The following DMD variants were observed in gnomAD, a reference collection of about 807,000 sequenced individuals.
DMD encodes dystrophin.
In DMD, 63 loss-of-function variants were observed where a neutral mutation model predicts 330.1. That is an observed-to-expected ratio of 0.19 (90% CI 0.16 to 0.24). The LOEUF is 0.24. Among genes scored for constraint, DMD ranks in the 10% least tolerant of loss-of-function variants. The pLI is 1.00. For missense variants in DMD, 3,344 were observed against 2,684.1 expected, an observed-to-expected ratio of 1.25 and a Z score of -5.43; for synonymous variants, 1,223 against 959.8, an observed-to-expected ratio of 1.27 and a Z score of -5.07.
intron 55 of DMD, among the ~76,000 whole-genome samples, chrX:31,584,824 C>G (rs1318275365): frequency 9.0e-6 from 1 of 110,705 alleles, no homozygotes; most frequent in South Asian, 3.9e-4. Context: ...AAGCTGACAG[C>G]AAAGGATCAG....
chrX:31,198,685 C>T (rs1378093812), intron 67 of DMD, among the ~76,000 whole-genome samples: 1 of 112,144 alleles, frequency 8.9e-6, no homozygotes, highest in African/African-American at 3.2e-5. Flanking sequence ...CAAAGTAATG[C>T]GAATTTTTCA....
chrX:31,670,081 T>G (rs5927798), intron 53 of DMD, among the ~76,000 whole-genome samples: 21,006 of 111,112 alleles, frequency 0.19, 1,557 homozygotes, highest in East Asian at 0.39. Context: ...AATATTTTCT[T>G]AATTTCACTT....
At chrX:31,600,517 T>G (rs1310878912) in intron 55 of DMD, among the ~76,000 whole-genome samples, 3 of 99,907 alleles carry the variant, frequency 3.0e-5, no homozygotes, top group South Asian at 9.9e-4. Context: ...ATGGTTTTTT[T>G]TTTTTTTTTT....
In DMD at chrX:32,110,255, A is replaced by C. The variant is rs775193879; in HGVS notation, c.6438+106661T>G. Among the ~76,000 whole-genome samples, 3 of 111,728 alleles carry C rather than the reference A, an allele frequency of 2.7e-5. No homozygotes were observed. In the South Asian group the frequency reaches 1.1e-3, roughly 41 times the overall value. On this transcript the variant is annotated intron_variant, in intron 44 of 78. Coordinates refer to ENST00000357033, the MANE Select transcript of DMD (RefSeq NM_004006.3). ...AATTCTGCAACACGTTGCAGAGTAAAATCTTCCTCGATTTATCCTATAGAA... is the reference window on the plus strand; with the variant it reads ...AATTCTGCAACACGTTGCAGAGTAACATCTTCCTCGATTTATCCTATAGAA...
intron 11 of DMD, among the ~76,000 whole-genome samples, chrX:32,633,356 G>A (rs754888660): frequency 2.8e-4 from 31 of 111,618 alleles, no homozygotes; most frequent in Non-Finnish European, 4.7e-4. Context: ...TACTCCAGTT[G>A]CCAATAAGTT....
At chrX:33,109,263 A>G (rs1296612154) in intron 1 of DMD, among the ~76,000 whole-genome samples, 1 of 111,477 alleles carries the variant, frequency 9.0e-6, no homozygotes, top group Admixed American at 9.6e-5. Flanking sequence ...GGCCAATAAT[A>G]ACGGTCTTAA....
At chrX:32,818,646 T>A (rs2077958682) in intron 5 of DMD, among the ~76,000 whole-genome samples, 1 of 111,556 alleles carries the variant, frequency 9.0e-6, no homozygotes, top group Non-Finnish European at 1.9e-5. Context: ...GACTAGGAGT[T>A]AACTGGGCCA....
chrX:31,468,473 G>C (rs747923940), intron 59 of DMD, among the ~76,000 whole-genome samples: 4 of 111,943 alleles, frequency 3.6e-5, no homozygotes, highest in African/African-American at 1.3e-4. Flanking sequence ...GTAGTTGTGT[G>C]GTTTTGAGTG....
chrX:32,832,615 TTCTAAA>T (rs2079243642), intron 4 of DMD, among the ~76,000 whole-genome samples: 1 of 111,626 alleles, frequency 9.0e-6, no homozygotes, highest in Non-Finnish European at 1.9e-5. Flanking sequence ...CATACAATCC[TTCTAAA>T]TATAATGCAT....
At chrX:31,436,584 C>T (rs1037586675) in intron 60 of DMD, among the ~76,000 whole-genome samples, 1 of 111,621 alleles carries the variant, frequency 9.0e-6, no homozygotes, top group African/African-American at 3.2e-5. Flanking sequence ...TGAGCAATTT[C>T]GATAACAGTC....
chrX:31,792,615 C>G (rs2091625773), intron 50 of DMD, among the ~76,000 whole-genome samples: 1 of 112,092 alleles, frequency 8.9e-6, no homozygotes, highest in African/African-American at 3.2e-5. Flanking sequence ...GGATATTTCC[C>G]TGACCCCTTT....
chrX:32,369,331 G>A (rs1170197166), intron 34 of DMD, among the ~76,000 whole-genome samples: 1 of 111,154 alleles, frequency 9.0e-6, no homozygotes, highest in African/African-American at 3.3e-5. Flanking sequence ...GCCCCATGTT[G>A]ATGGGAAGGA....
At chrX:31,191,960 G>T (rs2042412775) in intron 67 of DMD, among the ~76,000 whole-genome samples, 1 of 112,427 alleles carries the variant, frequency 8.9e-6, no homozygotes, top group Non-Finnish European at 1.9e-5. Flanking sequence ...TATAAAAACT[G>T]TTTTTTGAAT....
intron 2 of DMD, among the ~76,000 whole-genome samples, chrX:32,857,074 C>CAAAA (rs754732939): frequency 1.3e-5 from 1 of 77,729 alleles, no homozygotes; most frequent in African/African-American, 4.8e-5. Flanking sequence ...GACTGCGTCT[C>CAAAA]AAAAAAAAAA....
intron 1 of DMD, among the ~76,000 whole-genome samples, chrX:33,160,067 T>A (rs2048698146): frequency 1.8e-5 from 2 of 111,514 alleles, no homozygotes; most frequent in Admixed American, 1.9e-4. Context: ...TCACTTTAAG[T>A]ACAGTACTGA....
At chrX:33,118,217 T>C (rs774973544) in intron 1 of DMD, among the ~76,000 whole-genome samples, 48 of 106,374 alleles carry the variant, frequency 4.5e-4, no homozygotes, top group African/African-American at 1.6e-3. Context: ...TTCACGCCAT[T>C]CTCCTGCCTC....
At chrX:33,327,494 C>A (rs967835968) in intron 1 of DMD, among the ~76,000 whole-genome samples, 1 of 111,107 alleles carries the variant, frequency 9.0e-6, no homozygotes, top group Admixed American at 9.6e-5. Flanking sequence ...TCACCTAATC[C>A]GTATTTAGGT....
rs199767337 is a variant in DMD, at chrX:33,114,929, TCTC to T, written c.32-94732_32-94730del. Among the ~76,000 whole-genome samples, 708 of 111,626 alleles carry T rather than the reference TCTC, an allele frequency of 6.3e-3. 4 individuals carry two copies. Among genetic ancestry groups the T allele is most frequent in the African/African-American group, 0.022 (671 of 30,752 alleles). ...AATCTGCCAGCCCAAATCATAAAGT[TCTC>T]CTAAAGATGCTCTATCTCAAGAGCA... On this transcript the variant is annotated intron_variant, in intron 1 of 78. Transcript: ENST00000357033.
At chrX:31,374,457 T>C (rs2059774640) in intron 60 of DMD, among the ~76,000 whole-genome samples, 1 of 109,041 alleles carries the variant, frequency 9.2e-6, no homozygotes, top group Admixed American at 9.8e-5. Flanking sequence ...ATTAAGAAAA[T>C]GTGGCACATA....
Sources: allele counts gnomAD v4.1 joint callset (sites outside exome capture counted in the v4.1 genomes callset), GRCh38; gene constraint gnomAD v4.1.1; transcripts MANE v1.5; gene names NCBI Gene and HGNC (gene_info 2026-07-23, HGNC 2026-07-21).